Variants in FHOD3 observed in about 807,000 individuals in gnomAD.
FHOD3 encodes FH1/FH2 domain-containing protein 3.
In FHOD3, 90 loss-of-function variants were observed where a neutral mutation model predicts 173.0. That is an observed-to-expected ratio of 0.52 (90% CI 0.44 to 0.62). The LOEUF is 0.62. Among genes scored for constraint, FHOD3 ranks in the 20% least tolerant of loss-of-function variants. The pLI, the probability that FHOD3 is intolerant of heterozygous loss-of-function variation, is 0.00. For synonymous variants in FHOD3, 828 were observed against 823.0 expected, an observed-to-expected ratio of 1.01 and a Z score of -0.10; for missense variants, 1,945 against 2,034.7, an observed-to-expected ratio of 0.96 and a Z score of 0.85.
chr18:36,763,122 T>C lies in FHOD3; in HGVS notation c.4624+2340T>C, dbSNP rs535554383. 4.9e-3 allele frequency among the ~76,000 whole-genome samples: 726 copies of C among 146,754 alleles called. 6 individuals carry two copies. Among genetic ancestry groups the C allele is most frequent in the African/African-American group, 0.016 (649 of 40,182 alleles). The stretch of plus-strand genomic sequence containing the variant: ...TATTATACACGTTATATATAATATG[T>C]GTATTATACACGTTATATATGTGTA... On this transcript the variant is annotated intron_variant, in intron 27 of 28. Transcript: ENST00000590592.
At chr18:36,592,737 G>C (rs1385246630) in intron 6 of FHOD3, among the ~76,000 whole-genome samples, 1 of 152,210 alleles carries the variant, frequency 6.6e-6, no homozygotes, top group Non-Finnish European at 1.5e-5. Context: ...TGCTTAGGGT[G>C]GTGGGGCTTT....
chr18:36,764,034 G>A (rs183578108), intron 27 of FHOD3, among the ~76,000 whole-genome samples: 5 of 152,308 alleles, frequency 3.3e-5, no homozygotes, highest in African/African-American at 1.2e-4. Flanking sequence ...ACCAAGAGCA[G>A]ACAGACACAG....
intron 6 of FHOD3, 146 bp downstream of exon 6, chr18:36,576,691 T>G: frequency 1.9e-6 from 1 of 535,370 alleles, no homozygotes; most frequent in Non-Finnish European, 3.3e-6. Context: ...CTCTACAAAT[T>G]TTAAGATACA....
chr18:36,362,503 G>T (rs2046677155), intron 2 of FHOD3, among the ~76,000 whole-genome samples: 1 of 152,216 alleles, frequency 6.6e-6, no homozygotes, highest in East Asian at 1.9e-4. Flanking sequence ...CACACACAAG[G>T]TGTGGGGTGG....
At chr18:36,753,782 C>CT (rs1217264481) in intron 24 of FHOD3, among the ~76,000 whole-genome samples, 2 of 152,270 alleles carry the variant, frequency 1.3e-5, no homozygotes, top group South Asian at 4.1e-4. Context: ...CCTTGTGGTT[C>CT]TGATGTGTAT....
At chr18:36,404,093 G>T (rs974951784) in intron 3 of FHOD3, among the ~76,000 whole-genome samples, 2 of 152,142 alleles carry the variant, frequency 1.3e-5, no homozygotes, top group Non-Finnish European at 2.9e-5. Flanking sequence ...CTTCCCTCCC[G>T]CAATCTGCTC....
intron 5 of FHOD3, among the ~76,000 whole-genome samples, chr18:36,521,928 G>A (rs527824749): frequency 1.3e-5 from 2 of 152,106 alleles, no homozygotes; most frequent in African/African-American, 4.8e-5. Context: ...ACAAGGCCTC[G>A]CTCACCCATC....
At chr18:36,588,432 C>T (rs886321544) in intron 6 of FHOD3, among the ~76,000 whole-genome samples, 28 of 152,240 alleles carry the variant, frequency 1.8e-4, no homozygotes, top group African/African-American at 3.4e-4. Flanking sequence ...TTACCACTTT[C>T]GAATTCAGTT....
chr18:36,695,593 G>T (rs1206607897), intron 17 of FHOD3, among the ~76,000 whole-genome samples: 1 of 152,146 alleles, frequency 6.6e-6, no homozygotes, highest in Non-Finnish European at 1.5e-5. Context: ...GCTGTCCATT[G>T]TATGTTAAGT....
Position 36,408,781 on chromosome 18 carries a change from C to T in FHOD3, c.337+36037C>T, listed in dbSNP as rs764307113. ...TCAAGGGAAGCGCAAGGATGTCTAG[C>T]GCCCAGGAGCCAAGCCTGGAGCATG... On this transcript the variant is annotated intron_variant, in intron 3 of 28. Coordinates refer to ENST00000590592, the MANE Select transcript of FHOD3 (RefSeq NM_001281740.3). 3.7e-4 allele frequency among the ~76,000 whole-genome samples: 56 copies of T among 152,216 alleles called. No individual in the cohort carries two copies. In the Middle Eastern group the frequency reaches 0.017, roughly 46 times the overall value.
At chr18:36,565,665 T>C (rs913730743) in intron 5 of FHOD3, among the ~76,000 whole-genome samples, 1 of 152,204 alleles carries the variant, frequency 6.6e-6, no homozygotes, top group African/African-American at 2.4e-5. Flanking sequence ...TAGAAATAAA[T>C]AGGAATTATT....
At chr18:36,769,481 A>G in intron 28 of FHOD3, 55 bp downstream of exon 28, 4 of 1,569,892 alleles carry the variant, frequency 2.5e-6, no homozygotes, top group Non-Finnish European at 3.5e-6. Flanking sequence ...CTGCCCTCCC[A>G]TTCTACGTGA....
chr18:36,649,181 T>G, intron 10 of FHOD3, 135 bp from the exon 11 acceptor site: 4 of 568,546 alleles, frequency 7.0e-6, no homozygotes, highest in Non-Finnish European at 5.8e-6. Context: ...GCTGGGTGGT[T>G]TTTTTTTTTT....
At chr18:36,336,848 CAAAAA>C (rs36099993) in intron 1 of FHOD3, among the ~76,000 whole-genome samples, 5 of 35,798 alleles carry the variant, frequency 1.4e-4, no homozygotes, top group African/African-American at 1.7e-4. Flanking sequence ...AACTCCGTCT[CAAAAA>C]AAAAAAAAAA....
chr18:36,729,049 G>T (rs938046761), intron 19 of FHOD3, among the ~76,000 whole-genome samples: 2 of 152,132 alleles, frequency 1.3e-5, no homozygotes, highest in Non-Finnish European at 2.9e-5. Flanking sequence ...ATTCTTTAGG[G>T]CCTAGCCCAA....
At chr18:36,590,540 G>GT (rs374814755) in intron 6 of FHOD3, among the ~76,000 whole-genome samples, 20 of 152,306 alleles carry the variant, frequency 1.3e-4, no homozygotes, top group Non-Finnish European at 2.5e-4. Flanking sequence ...TAGTGTTCTA[G>GT]TGCTCTTTTT....
intron 3 of FHOD3, among the ~76,000 whole-genome samples, chr18:36,429,275 A>G (rs1448619173): frequency 2.0e-5 from 3 of 152,194 alleles, no homozygotes; most frequent in Non-Finnish European, 2.9e-5. Flanking sequence ...GGATGGAGTG[A>G]TACCTTGTAT....
At chr18:36,714,305 G>C (rs2040331913) in intron 18 of FHOD3, among the ~76,000 whole-genome samples, 1 of 152,200 alleles carries the variant, frequency 6.6e-6, no homozygotes, top group Non-Finnish European at 1.5e-5. Context: ...GGGAGGCCGA[G>C]GCGGGCAGAT....
intron 3 of FHOD3, among the ~76,000 whole-genome samples, chr18:36,479,535 T>TA (rs2053767510): frequency 6.6e-6 from 1 of 152,172 alleles, no homozygotes; most frequent in African/African-American, 2.4e-5. Flanking sequence ...GCATCTGTCC[T>TA]AACAGTAGCA....
Sources: gnomAD v4.1 joint callset for allele counts (sites outside exome capture counted in the v4.1 genomes callset) on GRCh38, gnomAD v4.1.1 for gene constraint, MANE v1.5 for transcripts, NCBI Gene and HGNC (gene_info 2026-07-23, HGNC 2026-07-21) for gene names.